Variants in KCNIP4 observed in about 807,000 individuals in gnomAD.
The protein encoded by KCNIP4 is potassium voltage-gated channel interacting protein 4, also known as Kv channel-interacting protein 4.
A neutral mutation model predicts 34.0 loss-of-function variants in KCNIP4; 12 were observed. The observed-to-expected ratio is 0.35, with a 90% CI of 0.23 to 0.57. KCNIP4 has a LOEUF of 0.57. Among genes scored for constraint, KCNIP4 ranks in the 20% least tolerant of loss-of-function variants. The pLI is 0.83. For synonymous variants in KCNIP4, 124 were observed against 102.2 expected (o/e 1.21, Z -1.29); for missense variants, 238 against 311.7 (o/e 0.76, Z 1.78).
At chr4:21,172,736 G>T (rs145157660) in intron 1 of KCNIP4, among the ~76,000 whole-genome samples, 1 of 152,106 alleles carries the variant, frequency 6.6e-6, no homozygotes, top group Non-Finnish European at 1.5e-5. Flanking sequence ...TATTGGATTC[G>T]GTGGCTTATT....
At chr4:21,856,542 C>A (rs541584123) in intron 1 of KCNIP4, among the ~76,000 whole-genome samples, 1 of 152,162 alleles carries the variant, frequency 6.6e-6, no homozygotes, top group Non-Finnish European at 1.5e-5. Flanking sequence ...AGGGCAGGAG[C>A]CTTGCACTCC....
chr4:21,587,000 G>C (rs757915507), intron 1 of KCNIP4, among the ~76,000 whole-genome samples: 3 of 152,016 alleles, frequency 2.0e-5, no homozygotes, highest in Non-Finnish European at 4.4e-5. Flanking sequence ...GAGTGAAATG[G>C]TGTTCACTTA....
At chr4:20,848,187 A>T (rs1306677695) in intron 3 of KCNIP4, among the ~76,000 whole-genome samples, 1 of 152,154 alleles carries the variant, frequency 6.6e-6, no homozygotes, top group East Asian at 1.9e-4. Context: ...AAGTATATAA[A>T]ATAGGCCTTT....
chr4:21,617,111 G>T (rs1363210283), intron 1 of KCNIP4, among the ~76,000 whole-genome samples: 1 of 152,164 alleles, frequency 6.6e-6, no homozygotes, highest in Non-Finnish European at 1.5e-5. Context: ...CCTTGATAAT[G>T]AGTTTATAAG....
chr4:20,962,430 G>A (rs574157392), intron 1 of KCNIP4, among the ~76,000 whole-genome samples: 14 of 152,214 alleles, frequency 9.2e-5, no homozygotes, highest in South Asian at 6.2e-4. Context: ...TTTTCTTCTC[G>A]TTGCCCATGT....
At chr4:21,928,980 G>A (rs746430734) in intron 1 of KCNIP4, among the ~76,000 whole-genome samples, 3 of 151,968 alleles carry the variant, frequency 2.0e-5, no homozygotes, top group Non-Finnish European at 4.4e-5. Flanking sequence ...CACCCTCTTA[G>A]AGAGACATAT....
chr4:21,433,817 C>A (rs550575604), intron 1 of KCNIP4, among the ~76,000 whole-genome samples: 9 of 152,230 alleles, frequency 5.9e-5, no homozygotes, highest in African/African-American at 2.2e-4. Context: ...CGATATTCTG[C>A]CTAATGAAAC....
intron 1 of KCNIP4, among the ~76,000 whole-genome samples, chr4:20,965,357 A>T (rs1368433396): frequency 6.6e-6 from 1 of 152,152 alleles, no homozygotes; most frequent in Non-Finnish European, 1.5e-5. Flanking sequence ...TGGCACCATA[A>T]GGAAATCTCA....
intron 1 of KCNIP4, among the ~76,000 whole-genome samples, chr4:21,489,749 A>T (rs532290799): frequency 6.6e-6 from 1 of 152,256 alleles, no homozygotes; most frequent in South Asian, 2.1e-4. Context: ...CTCTAATTAA[A>T]ATATGTCACT....
intron 1 of KCNIP4, among the ~76,000 whole-genome samples, chr4:21,859,845 G>C (rs1430429320): frequency 6.6e-6 from 1 of 152,002 alleles, no homozygotes; most frequent in Non-Finnish European, 1.5e-5. Flanking sequence ...CCAGGCAACA[G>C]AGTGAGACTT....
chr4:21,249,860 A>G (rs1001216664), intron 1 of KCNIP4, among the ~76,000 whole-genome samples: 4 of 152,082 alleles, frequency 2.6e-5, no homozygotes, highest in African/African-American at 9.7e-5. Flanking sequence ...CTATGAAAAA[A>G]TTTTCCCCTT....
chr4:21,481,230 G>A (rs1229364551), intron 1 of KCNIP4, among the ~76,000 whole-genome samples: 2 of 152,154 alleles, frequency 1.3e-5, no homozygotes. Flanking sequence ...GACTAACCAA[G>A]GAAAAAGATA....
At chr4:21,010,782 A>G (rs1204919125) in intron 1 of KCNIP4, among the ~76,000 whole-genome samples, 1 of 152,242 alleles carries the variant, frequency 6.6e-6, no homozygotes, top group Non-Finnish European at 1.5e-5. Context: ...AACACAAGAT[A>G]TATTTGAAAG....
intron 5 of KCNIP4, among the ~76,000 whole-genome samples, chr4:20,740,719 TAAC>T (rs560724495): frequency 6.6e-5 from 10 of 152,088 alleles, no homozygotes; most frequent in Non-Finnish European, 1.0e-4. Context: ...AATTCACACA[TAAC>T]AATATTAACC....
At chr4:21,088,692 T>A (rs1468208745) in intron 1 of KCNIP4, among the ~76,000 whole-genome samples, 3 of 152,138 alleles carry the variant, frequency 2.0e-5, no homozygotes, top group Non-Finnish European at 4.4e-5. Flanking sequence ...TTCTTCCTAT[T>A]AACTCCTCAT....
intron 1 of KCNIP4, among the ~76,000 whole-genome samples, chr4:21,928,382 T>C (rs926836610): frequency 3.3e-5 from 5 of 152,010 alleles, no homozygotes; most frequent in Admixed American, 6.6e-5. Flanking sequence ...TTAAAATACA[T>C]AAAACAGCCC....
intron 1 of KCNIP4, among the ~76,000 whole-genome samples, chr4:21,337,470 G>A (rs1222435232): frequency 2.6e-5 from 4 of 152,132 alleles, no homozygotes; most frequent in South Asian, 4.1e-4. Flanking sequence ...GTCTCCTTGC[G>A]TGCAAGCTTT....
At chr4:20,792,782 A>C (rs73802335) in intron 3 of KCNIP4, among the ~76,000 whole-genome samples, 1,989 of 152,268 alleles carry the variant, frequency 0.013, 54 homozygotes, top group African/African-American at 0.045. Flanking sequence ...TAAAATTACA[A>C]AGAGAAATAG....
At chr4:20,984,602 C>T (rs933977543) in intron 1 of KCNIP4, among the ~76,000 whole-genome samples, 2 of 152,178 alleles carry the variant, frequency 1.3e-5, no homozygotes, top group South Asian at 4.1e-4. Context: ...CTTTGTCAAA[C>T]GAGAACACCT....
Sources: gnomAD v4.1 joint callset for allele counts (sites outside exome capture counted in the v4.1 genomes callset) on GRCh38, gnomAD v4.1.1 for gene constraint, MANE v1.5 for transcripts, NCBI Gene and HGNC (gene_info 2026-07-23, HGNC 2026-07-21) for gene names.